Variants in RRN3 observed in about 807,000 individuals in gnomAD.
RRN3 encodes the protein RNA polymerase I transcription factor RRN3.
In RRN3, 38 loss-of-function variants were observed where a neutral mutation model predicts 82.3. The observed-to-expected ratio is 0.46, with a 90% CI of 0.36 to 0.61. RRN3 has a LOEUF of 0.61. RRN3 is among the 20% of genes least tolerant of loss of function. The probability of loss-of-function intolerance (pLI) is 0.00; values close to 1 mark genes in which losing one functional copy is unlikely to be tolerated. For missense variants in RRN3, 726 were observed against 793.1 expected, an observed-to-expected ratio of 0.92 and a Z score of 1.02; for synonymous variants, 284 against 284.3, an observed-to-expected ratio of 1.00 and a Z score of 0.01.
chr16:15,068,373 A>C, intron 14 of RRN3, 96 bp from the exon 15 acceptor site: 25 of 1,432,652 alleles, frequency 1.7e-5, no homozygotes, highest in Non-Finnish European at 2.2e-5. Context: ...CATTTAAAAA[A>C]AACTTTAAAA....
chr16:15,071,270 T>C lies in RRN3; in HGVS notation c.1129-19A>G. 1.9e-6 allele frequency: 3 copies of C among 1,584,470 alleles called. No homozygotes were observed. Among genetic ancestry groups the C allele is most frequent in the Non-Finnish European group, 2.6e-6 (3 of 1,168,362 alleles). On this transcript the variant is annotated intron_variant, in intron 12 of 17. Transcript: ENST00000198767. ...CGAATCCCTATAAAAAGAGAGGGCG[T>C]CGGTGTGATCTTTTTTAATGCCTAA...
chr16:15,087,916 A>G (rs545645654), intron 3 of RRN3, among the ~76,000 whole-genome samples: 1 of 152,134 alleles, frequency 6.6e-6, no homozygotes, highest in Non-Finnish European at 1.5e-5. Context: ...GGAGTTCGAG[A>G]TGAGCCTAAC....
intron 3 of RRN3, 41 bp from the exon 4 acceptor site, chr16:15,086,495 C>G: frequency 6.2e-7 from 1 of 1,608,196 alleles, no homozygotes; most frequent in Non-Finnish European, 8.5e-7. Flanking sequence ...CACAAATCCT[C>G]TAACATAACA....
chr16:15,084,934 C>A (rs1345691413), intron 6 of RRN3, among the ~76,000 whole-genome samples: 1 of 151,998 alleles, frequency 6.6e-6, no homozygotes, highest in Non-Finnish European at 1.5e-5. Context: ...GGCATGGTGG[C>A]AAATGCCTGT....
intron 13 of RRN3, among the ~76,000 whole-genome samples, chr16:15,070,816 A>T (rs2966181): frequency 0.64 from 97,748 of 151,644 alleles, 33,203 homozygotes; most frequent in Non-Finnish European, 0.74. Flanking sequence ...CAAATGAAAA[A>T]ATGACAAACC....
At chr16:15,075,948 C>A (rs375424844) in intron 10 of RRN3, among the ~76,000 whole-genome samples, 1 of 152,290 alleles carries the variant, frequency 6.6e-6, no homozygotes, top group East Asian at 1.9e-4. Context: ...AGCCCCTCCC[C>A]CTTAGAACCA....
rs958558865 is a variant in RRN3, at chr16:15,082,267, G to A, written c.666+1246C>T. 4.3e-4 allele frequency among the ~76,000 whole-genome samples: 66 copies of A among 152,240 alleles called. No individual in the cohort carries two copies. In the South Asian group the frequency reaches 5.6e-3, roughly 13 times the overall value. ...GAGAAAATTTCCTTCTGTTTTTCTCGTAAAAGGATATTGGTGTTTGTCACA... is the reference window on the plus strand; with the variant it reads ...GAGAAAATTTCCTTCTGTTTTTCTCATAAAAGGATATTGGTGTTTGTCACA... On this transcript the variant is annotated intron_variant, in intron 8 of 17. Coordinates refer to ENST00000198767, the MANE Select transcript of RRN3 (RefSeq NM_018427.5).
chr16:15,081,383 T>C (rs952746193), intron 8 of RRN3, among the ~76,000 whole-genome samples: 2 of 152,198 alleles, frequency 1.3e-5, no homozygotes, highest in Non-Finnish European at 2.9e-5. Context: ...TGTGAACACT[T>C]GTTACTGTCT....
chr16:15,071,288 A>T, intron 12 of RRN3, 37 bp from the exon 13 acceptor site: 1 of 1,547,038 alleles, frequency 6.5e-7, no homozygotes, highest in Non-Finnish European at 8.7e-7. Flanking sequence ...ATCTTTTTTA[A>T]TGCCTAAGAT....
rs1362340558 is a variant in RRN3, at chr16:15,083,580, G to A, written c.599C>T (p.Thr200Ile). 14 of 1,601,274 alleles carry A rather than the reference G, an allele frequency of 8.7e-6. No individual in the cohort carries two copies. The highest frequency in any genetic ancestry group is 1.4e-5 in the African/African-American group (1 of 73,962). Reference sequence around the variant, plus strand: ...CAGTATTGGCATGAGAAACCACGGTGTCCTATTTTTAAAAAATTAAATCAA... The same window carrying A: ...CAGTATTGGCATGAGAAACCACGGTATCCTATTTTTAAAAAATTAAATCAA... ...LQIIARYVPS[T>I]PWFLMPILVE... The change falls in exon 8 of 18, where the codon ACA becomes ATA. Residue 200 changes from threonine (T) to isoleucine (I), a missense_variant and splice_region_variant. Around this residue, in one of 4 missense-constraint regions of RRN3, gnomAD observed 344 missense variants for 394.5 expected, o/e 0.87. Transcript: ENST00000198767.
Position 15,092,663 on chromosome 16 carries a change from A to T in RRN3, c.90-49T>A, listed in dbSNP as rs781414674. ...TATTAAGTTCATGAAAATAATAAAA[A>T]TTATAATAGCCAACATTTATTGAAC... On this transcript the variant is annotated intron_variant, in intron 1 of 17. Coordinates refer to ENST00000198767, the MANE Select transcript of RRN3 (RefSeq NM_018427.5). 3 of 1,178,242 alleles carry T rather than the reference A, an allele frequency of 2.5e-6. No homozygotes were observed. In the South Asian group the frequency reaches 3.7e-5, roughly 15 times the overall value. The allele number at this position is 1,178,242 out of a possible 1,614,324, so 73.0% of individuals were successfully genotyped here.
At chr16:15,064,367 G>A (rs528820331) in intron 16 of RRN3, among the ~76,000 whole-genome samples, 32 of 152,170 alleles carry the variant, frequency 2.1e-4, no homozygotes, top group African/African-American at 4.3e-4. Flanking sequence ...TAAAGACAGC[G>A]TTTCACCATC....
intron 7 of RRN3, 41 bp downstream of exon 7, chr16:15,084,601 C>T: frequency 2.2e-6 from 3 of 1,371,910 alleles, no homozygotes; most frequent in Non-Finnish European, 3.1e-6. Context: ...TTACAATTTT[C>T]TTGAGAATTA....
intron 3 of RRN3, among the ~76,000 whole-genome samples, chr16:15,087,974 C>T (rs188539485): frequency 9.2e-5 from 14 of 152,036 alleles, no homozygotes; most frequent in Admixed American, 3.3e-4. Context: ...ATTAGCTGGG[C>T]GTGGTGGTGC....
intron 17 of RRN3, among the ~76,000 whole-genome samples, chr16:15,062,300 AG>A (rs1367339114): frequency 1.3e-5 from 2 of 152,228 alleles, no homozygotes; most frequent in African/African-American, 4.8e-5. Context: ...AAACATGACG[AG>A]TCATTCTTGC....
chr16:15,074,865 T>C lies in RRN3; in HGVS notation c.859-4A>G. ...GTTCAGTTTCTTCATCTTCATCCTT[T>C]GAAGACAAAAAGTAAATACTAACAT... On this transcript the variant is annotated splice_polypyrimidine_tract_variant and splice_region_variant and intron_variant, in intron 10 of 17. Coordinates refer to ENST00000198767, the MANE Select transcript of RRN3 (RefSeq NM_018427.5). The C allele has an allele frequency of 6.2e-7, 1 of 1,603,664 alleles. No homozygotes were observed. The highest frequency in any genetic ancestry group is 8.5e-7 in the Non-Finnish European group (1 of 1,175,794).
chr16:15,089,154 A>G (rs1188614384), intron 3 of RRN3, among the ~76,000 whole-genome samples: 1 of 151,920 alleles, frequency 6.6e-6, no homozygotes, highest in Non-Finnish European at 1.5e-5. Flanking sequence ...AATACAAAAA[A>G]ATTAGCTGGG....
intron 11 of RRN3, 143 bp from the exon 12 acceptor site, chr16:15,073,223 TGGGA>T: frequency 1.1e-6 from 1 of 921,188 alleles, no homozygotes; most frequent in Non-Finnish European, 1.6e-6. Context: ...CCCAGCACTT[TGGGA>T]GGCCAAAGTG....
chr16:15,088,834 G>T (rs575970689), intron 3 of RRN3, among the ~76,000 whole-genome samples: 4 of 152,134 alleles, frequency 2.6e-5, no homozygotes, highest in African/African-American at 9.7e-5. Flanking sequence ...TTGTAAACCA[G>T]ATCTGTAACT....
Sources: gnomAD v4.1 joint callset for allele counts (sites outside exome capture counted in the v4.1 genomes callset) on GRCh38, gnomAD v4.1.1 for gene constraint, gnomAD v4.1.1 regional missense constraint, MANE v1.5 for transcripts, NCBI Gene and HGNC (gene_info 2026-07-23, HGNC 2026-07-21) for gene names.